The following MYOCD variants were observed in gnomAD, a reference collection of about 807,000 sequenced individuals.
MYOCD encodes myocardin.
Under a neutral mutation model 96.1 loss-of-function variants are expected in MYOCD, and 32 were observed. The ratio of observed to expected loss-of-function variants is 0.33; its 90% CI spans 0.25 to 0.45. The LOEUF is 0.45. Among genes scored for constraint, MYOCD ranks in the 20% least tolerant of loss-of-function variants. The pLI is 1.00. For synonymous variants in MYOCD, 469 were observed against 469.0 expected (o/e 1.00, Z 0.00); for missense variants, 1,133 against 1,200.6 (o/e 0.94, Z 0.83).
At chr17:12,760,009 CT>C (rs2150727732) in intron 12 of MYOCD, 1 of 152,454 alleles carries the variant, frequency 6.6e-6, no homozygotes, top group Non-Finnish European at 1.5e-5. Flanking sequence ...ACTACTGAAG[CT>C]TAATCAGACA....
rs1555533299 is a variant in MYOCD at position 12,733,865 on chromosome 17, C to CG, written c.416-2296_416-2295insG. On this transcript the variant is annotated intron_variant, in intron 5 of 13. Coordinates refer to ENST00000425538, the MANE Select transcript of MYOCD (RefSeq NM_001146312.3). ...TGGGTGACAGAGCAAGACTCCGTCT[C>CG]AAAAAAAAGAAAAAAGAAAAAAAGA... Among the ~76,000 whole-genome samples the CG allele has an allele frequency of 6.4e-3, 474 of 73,908 alleles. 32 individuals are homozygous for CG. In the East Asian group the frequency reaches 0.16, roughly 25 times the overall value. The allele number at this position is 73,908 out of a possible 152,430, so 48.5% of individuals were successfully genotyped here. A position where few individuals can be genotyped will look rare whatever the true frequency, so the allele number is the denominator to read the frequency against.
chr17:12,762,480 G>A (rs1488651076), intron 13 of MYOCD: 1 of 152,736 alleles, frequency 6.5e-6, no homozygotes, highest in African/African-American at 2.4e-5. Flanking sequence ...GAGTGGCAGT[G>A]GGGGAATCAC....
intron 5 of MYOCD, among the ~76,000 whole-genome samples, chr17:12,734,638 G>A (rs754765222): frequency 6.8e-6 from 1 of 147,306 alleles, no homozygotes; most frequent in Non-Finnish European, 1.5e-5. Context: ...AGCCTCCGGA[G>A]TAGCTGGGAT....
At chr17:12,735,327 A>C (rs1037553457) in intron 5 of MYOCD, among the ~76,000 whole-genome samples, 1 of 152,140 alleles carries the variant, frequency 6.6e-6, no homozygotes, top group Non-Finnish European at 1.5e-5. Context: ...ACCAGATGAA[A>C]TTTGGCAAAT....
rs527749934 is a variant in MYOCD at position 12,697,552 on chromosome 17, T to C, written c.56-7576T>C. 4.6e-5 allele frequency among the ~76,000 whole-genome samples: 7 copies of C among 151,274 alleles called. No individual in the cohort carries two copies. In the South Asian group the frequency reaches 1.5e-3, roughly 32 times the overall value. ...TAATTTTTTGTATCTTTAGTAGAGA[T>C]GGGGTTTCTTCACGTTAGCCAGGAT... On this transcript the variant is annotated intron_variant, in intron 1 of 13. Coordinates refer to ENST00000425538, the MANE Select transcript of MYOCD (RefSeq NM_001146312.3).
chr17:12,719,809 G>C (rs1299223417), intron 4 of MYOCD, among the ~76,000 whole-genome samples: 2 of 148,812 alleles, frequency 1.3e-5, no homozygotes, highest in African/African-American at 4.9e-5. Flanking sequence ...GGAGGTTGCA[G>C]TGAGCCGAGA....
intron 7 of MYOCD, among the ~76,000 whole-genome samples, chr17:12,743,134 C>T (rs1207133449): frequency 6.6e-6 from 1 of 152,076 alleles, no homozygotes; most frequent in Non-Finnish European, 1.5e-5. Flanking sequence ...TCTTATCTTC[C>T]AAGACTATAC....
chr17:12,720,007 G>A (rs1414783240), intron 4 of MYOCD, among the ~76,000 whole-genome samples: 2 of 152,092 alleles, frequency 1.3e-5, no homozygotes, highest in Non-Finnish European at 2.9e-5. Context: ...CAGACTAGGA[G>A]CTTTTATATG....
chr17:12,718,368 C>G (rs899859457), intron 4 of MYOCD, among the ~76,000 whole-genome samples: 2 of 152,080 alleles, frequency 1.3e-5, no homozygotes, highest in Non-Finnish European at 2.9e-5. Context: ...AACGTGAGGG[C>G]TGAGCCAGGT....
intron 2 of MYOCD, among the ~76,000 whole-genome samples, chr17:12,713,795 C>A (rs1314960669): frequency 6.6e-6 from 1 of 152,124 alleles, no homozygotes; most frequent in Non-Finnish European, 1.5e-5. Flanking sequence ...AGGATGATGA[C>A]CAGACCCAAC....
At chr17:12,734,503 C>CTTTT in intron 5 of MYOCD, among the ~76,000 whole-genome samples, 1 of 72,008 alleles carries the variant, frequency 1.4e-5, no homozygotes, top group Non-Finnish European at 2.9e-5. Context: ...TACACATGAT[C>CTTTT]CTTTTTTTTT....
intron 1 of MYOCD, among the ~76,000 whole-genome samples, chr17:12,699,152 G>A (rs1014129848): frequency 2.0e-5 from 3 of 149,968 alleles, no homozygotes; most frequent in Non-Finnish European, 3.0e-5. Context: ...TTGAGACAGG[G>A]TCTTGCTTGT....
intron 1 of MYOCD, among the ~76,000 whole-genome samples, chr17:12,701,599 T>A (rs969322890): frequency 6.6e-6 from 1 of 152,134 alleles, no homozygotes; most frequent in Admixed American, 6.5e-5. Flanking sequence ...TACTTCTTTT[T>A]TATCTTCTTA....
At chr17:12,698,758 T>TTG (rs2030905352) in intron 1 of MYOCD, among the ~76,000 whole-genome samples, 1 of 104,822 alleles carries the variant, frequency 9.5e-6, no homozygotes, top group South Asian at 3.4e-4. Context: ...TTTTTTTTTT[T>TTG]GTGAGACAGA....
rs927410882 is a variant in MYOCD at position 12,766,203 on chromosome 17, C to T, written c.*2559C>T. 7.2e-5 allele frequency: 11 copies of T among 152,166 alleles called. No homozygotes were observed. The highest frequency in any genetic ancestry group is 2.4e-4 in the African/African-American group (10 of 41,440). 9.4% of individuals were successfully genotyped at this position (152,166 alleles called of 1,614,324 possible). ...CTTTGGAAAACAAACTCACACAGTGCCCCTACTCTGAGACCTGGGACTGAG... is the reference window on the plus strand; with the variant it reads ...CTTTGGAAAACAAACTCACACAGTGTCCCTACTCTGAGACCTGGGACTGAG... On this transcript the variant is annotated 3_prime_UTR_variant, in exon 14 of 14. Transcript: ENST00000425538.
At chr17:12,677,315 C>A (rs1277829162) in intron 1 of MYOCD, among the ~76,000 whole-genome samples, 2 of 151,970 alleles carry the variant, frequency 1.3e-5, no homozygotes, top group Non-Finnish European at 2.9e-5. Context: ...AGGCTTAATA[C>A]CTGAGTGATG....
At position 12,725,388 on chromosome 17, in the gene MYOCD, T is replaced by C. The variant is rs150496508; in HGVS notation, c.415+2380T>C. ...GTATTTTATTTATGAATATAGTATATATTATTTATGCATTATACACACTTT... is the reference window on the plus strand; with the variant it reads ...GTATTTTATTTATGAATATAGTATACATTATTTATGCATTATACACACTTT... On this transcript the variant is annotated intron_variant, in intron 5 of 13. Coordinates refer to ENST00000425538, the MANE Select transcript of MYOCD (RefSeq NM_001146312.3). 6.6e-4 allele frequency among the ~76,000 whole-genome samples: 98 copies of C among 149,116 alleles called. 1 individual carries two copies. The highest frequency in any genetic ancestry group is 2.2e-3 in the African/African-American group (89 of 41,050).
At chr17:12,683,590 C>T (rs1224078606) in intron 1 of MYOCD, among the ~76,000 whole-genome samples, 1 of 152,136 alleles carries the variant, frequency 6.6e-6, no homozygotes, top group Non-Finnish European at 1.5e-5. Context: ...CATACACATA[C>T]AAGCTGTTGT....
rs8073291 is a variant in MYOCD, at chr17:12,744,091, A to G, written c.718-92A>G. 66,923 of 1,452,046 alleles carry G rather than the reference A, an allele frequency of 0.046. 1,693 individuals are homozygous for G. Among genetic ancestry groups the G allele is most frequent in the African/African-American group, 0.11 (7,467 of 70,768 alleles). The allele number at this position is 1,452,046 out of a possible 1,614,324, so 89.9% of individuals were successfully genotyped here. A position where few individuals can be genotyped will look rare whatever the true frequency, so the allele number is the denominator to read the frequency against. On this transcript the variant is annotated intron_variant, in intron 7 of 13. Coordinates refer to ENST00000425538, the MANE Select transcript of MYOCD (RefSeq NM_001146312.3). ...ATATTTCTGAGATCCAAGAATGGCC[A>G]TCAGACAAAACTGCCTCACAACGTG...
Sources: gnomAD v4.1 joint callset for allele counts (sites outside exome capture counted in the v4.1 genomes callset) on GRCh38, gnomAD v4.1.1 for gene constraint, MANE v1.5 for transcripts, NCBI Gene and HGNC (gene_info 2026-07-23, HGNC 2026-07-21) for gene names.